The following EPHA5 variants were observed in gnomAD, a reference collection of about 807,000 sequenced individuals.
The protein encoded by EPHA5 is EPH receptor A5, also known as ephrin type-A receptor 5.
A neutral mutation model predicts 105.0 loss-of-function variants in EPHA5; 60 were observed. That is an observed-to-expected ratio of 0.57 (90% CI 0.46 to 0.71). The LOEUF (loss-of-function observed/expected upper bound fraction) is 0.71. Among genes scored for constraint, EPHA5 ranks in the 30% least tolerant of loss-of-function variants. EPHA5 has a pLI of 0.00. For synonymous variants in EPHA5, 513 were observed against 449.1 expected (o/e 1.14, Z -1.80); for missense variants, 1,218 against 1,274.7 (o/e 0.96, Z 0.68).
intron 10 of EPHA5, among the ~76,000 whole-genome samples, chr4:65,365,480 G>T (rs559626867): frequency 2.7e-5 from 4 of 150,334 alleles, no homozygotes; most frequent in East Asian, 3.9e-4. Flanking sequence ...TTTTAAAAAA[G>T]AATGAAATTA....
intron 3 of EPHA5, among the ~76,000 whole-genome samples, chr4:65,517,899 TCTA>T (rs1418058010): frequency 1.3e-5 from 2 of 152,002 alleles, no homozygotes; most frequent in African/African-American, 4.8e-5. Context: ...CATTAAAGAT[TCTA>T]CTTTTAGTAT....
At chr4:65,659,319 G>GAAAAAAAAAAAAAAAAAAAAAAA (rs5858980) in intron 1 of EPHA5, among the ~76,000 whole-genome samples, 1 of 71,602 alleles carries the variant, frequency 1.4e-5, no homozygotes, top group African/African-American at 5.3e-5. Flanking sequence ...TAGAGTAACA[G>GAAAAAAAAAAAAAAAAAAAAAAA]AAAAAAAAAA....
intron 11 of EPHA5, among the ~76,000 whole-genome samples, chr4:65,363,274 T>A (rs971952132): frequency 6.6e-6 from 1 of 151,732 alleles, no homozygotes; most frequent in African/African-American, 2.4e-5. Context: ...CTCATCTATA[T>A]TAATTAGTGT....
chr4:65,465,146 G>A (rs530325931), intron 5 of EPHA5, among the ~76,000 whole-genome samples: 1 of 152,122 alleles, frequency 6.6e-6, no homozygotes, highest in South Asian at 2.1e-4. Context: ...AATAGAAATT[G>A]AGTAAGAGAA....
chr4:65,570,287 T>A (rs1449014569), intron 3 of EPHA5, among the ~76,000 whole-genome samples: 3 of 151,926 alleles, frequency 2.0e-5, no homozygotes, highest in African/African-American at 7.2e-5. Context: ...TCAGATATTA[T>A]CAAGCTATTT....
chr4:65,638,795 A>C (rs1471742814), intron 2 of EPHA5, among the ~76,000 whole-genome samples: 2 of 152,162 alleles, frequency 1.3e-5, no homozygotes, highest in African/African-American at 4.8e-5. Context: ...AATAGGGTTA[A>C]GTTATATGAG....
In EPHA5 at chr4:65,601,789, T is replaced by C. The variant is rs145600203; in HGVS notation, c.762A>G (p.Gln254=). 1.1e-5 allele frequency: 17 copies of C among 1,614,096 alleles called. No homozygotes were observed. Among genetic ancestry groups the C allele is most frequent in the Admixed American group, 3.3e-5 (2 of 60,010 alleles). The stretch of plus-strand genomic sequence containing the variant: ...CACAGGAGCCTGACACTTCGAGCAA[T>C]TGGGAAGAATCAGCTCCAGTGATGG... ...PDTITGADSS[Q]LLEVSGSCVN... is the part of the protein sequence containing the mutation. Residue 254 remains glutamine, a synonymous_variant, in exon 3 of 17, where the codon CAA becomes CAG. Transcript: ENST00000613740.
chr4:65,598,404 T>C (rs1422371677), intron 3 of EPHA5, among the ~76,000 whole-genome samples: 3 of 152,120 alleles, frequency 2.0e-5, no homozygotes, highest in African/African-American at 7.2e-5. Flanking sequence ...TAGAATAACA[T>C]AGTATTCTTT....
chr4:65,427,615 T>A (rs931589827), intron 5 of EPHA5, among the ~76,000 whole-genome samples: 3 of 152,200 alleles, frequency 2.0e-5, no homozygotes, highest in African/African-American at 7.2e-5. Flanking sequence ...TTTCACTTCT[T>A]CACAAAGGTG....
At chr4:65,521,695 A>T (rs11942937) in intron 3 of EPHA5, among the ~76,000 whole-genome samples, 7,539 of 152,092 alleles carry the variant, frequency 0.05, 641 homozygotes, top group African/African-American at 0.17. Context: ...AGAAATGCCA[A>T]ACCTAAACTA....
intron 3 of EPHA5, among the ~76,000 whole-genome samples, chr4:65,575,977 AAAG>A (rs1740857265): frequency 1.9e-5 from 1 of 51,582 alleles, no homozygotes; most frequent in Admixed American, 2.9e-4. Context: ...TTCCATCAAA[AAAG>A]AAAGAGAGAG....
chr4:65,579,418 C>T (rs1363299310), intron 3 of EPHA5, among the ~76,000 whole-genome samples: 2 of 148,416 alleles, frequency 1.3e-5, no homozygotes, highest in African/African-American at 2.5e-5. Context: ...TGCCATTTGT[C>T]ATCTCAGGAT....
chr4:65,377,186 G>T (rs1045138299), intron 8 of EPHA5: 2 of 793,318 alleles, frequency 2.5e-6, no homozygotes, highest in Non-Finnish European at 3.6e-6. Context: ...ACCTCTAAAT[G>T]CATACAATTA....
At chr4:65,590,264 A>G (rs920234868) in intron 3 of EPHA5, among the ~76,000 whole-genome samples, 14 of 152,204 alleles carry the variant, frequency 9.2e-5, no homozygotes, top group African/African-American at 3.4e-4. Context: ...ATGAAAGCAT[A>G]TCAACAAATC....
chr4:65,617,891 T>C (rs1745380478), intron 2 of EPHA5, among the ~76,000 whole-genome samples: 1 of 152,170 alleles, frequency 6.6e-6, no homozygotes, highest in Admixed American at 6.5e-5. Flanking sequence ...CTCAGAAGAT[T>C]ATAAAATTCT....
chr4:65,601,759 G>T lies in EPHA5; in HGVS notation c.792C>A (p.Asn264Lys), dbSNP rs1056564404. 1 of 1,614,122 alleles carries T rather than the reference G, an allele frequency of 6.2e-7. No homozygotes were observed. Among genetic ancestry groups the T allele is most frequent in the Non-Finnish European group, 8.5e-7 (1 of 1,180,012 alleles). The change falls in exon 3 of 17, where the codon AAC becomes AAA. Residue 264 changes from asparagine to lysine, a missense_variant. Physicochemically the swap from Asn to Lys is moderately conservative, Grantham distance 94. Transcript: ENST00000613740. ...QLLEVSGSCV[N>K]HSVTDEPPKM... The stretch of plus-strand genomic sequence containing the variant: ...TGGGAGGTTCATCGGTCACAGAATG[G>T]TTGACACAGGAGCCTGACACTTCGA...
chr4:65,346,092 T>G (rs1008196470), intron 14 of EPHA5, among the ~76,000 whole-genome samples: 3 of 151,284 alleles, frequency 2.0e-5, no homozygotes, highest in Admixed American at 1.3e-4. Context: ...CTCTTTTTTT[T>G]TTTTCTAATT....
Position 65,332,039 on chromosome 4 carries a change from C to A in EPHA5, c.2879G>T (p.Arg960Leu), listed in dbSNP as rs770802873. The A allele has an allele frequency of 6.2e-7, 1 of 1,611,764 alleles. No individual in the cohort carries two copies. Among genetic ancestry groups the A allele is most frequent in the Non-Finnish European group, 8.5e-7 (1 of 1,178,626 alleles). ...ATTTTCCATGAAAATCTCTGTATAC[C>A]GGCCCATCTTGATTGCCTCTAGCCA... ...GEWLEAIKMG[R>L]YTEIFMENGY... The change falls in exon 16 of 17, where the codon CGG (arginine) becomes CTG (leucine). Residue 960 changes from arginine (R) to leucine (L), a missense_variant. Arg to Leu is a moderately radical substitution (Grantham distance 102, BLOSUM62 -2). This residue lies in a region of EPHA5 where 971 missense variants were observed against 1,013.5 expected (regional missense o/e 0.96). Coordinates refer to ENST00000613740, the MANE Select transcript of EPHA5 (RefSeq NM_001281766.3).
chr4:65,328,365 A>G (rs1045206336), intron 16 of EPHA5, among the ~76,000 whole-genome samples: 9 of 151,458 alleles, frequency 5.9e-5, no homozygotes, highest in Admixed American at 2.0e-4. Flanking sequence ...GATATTAATG[A>G]TGCTAAAATG....
Sources: gnomAD v4.1 joint callset for allele counts (sites outside exome capture counted in the v4.1 genomes callset) on GRCh38, gnomAD v4.1.1 for gene constraint, gnomAD v4.1.1 regional missense constraint, MANE v1.5 for transcripts, NCBI Gene and HGNC (gene_info 2026-07-23, HGNC 2026-07-21) for gene names.